RIGI: variants seen among roughly 807,000 people sequenced by gnomAD.
RIGI encodes antiviral innate immune response receptor RIG-I.
the RIGI span, among the ~76,000 whole-genome samples, chr9:32,487,163 C>T: frequency 6.6e-6 from 1 of 152,190 alleles, no homozygotes; most frequent in Non-Finnish European, 1.5e-5. Flanking sequence ...GTGAGCCCAG[C>T]TCTTGGCTAT....
At chr9:32,466,445 T>A in the RIGI span, 1 of 1,592,716 alleles carries the variant, frequency 6.3e-7, no homozygotes. Flanking sequence ...CCTCTGCCTA[T>A]TAGAAAATAA....
the RIGI span, among the ~76,000 whole-genome samples, chr9:32,502,722 C>T: frequency 1.1e-4 from 16 of 152,202 alleles, no homozygotes; most frequent in Admixed American, 6.5e-5. Context: ...TTTCTGGTAG[C>T]TGCTGGCATT....
chr9:32,491,226 G>A, the RIGI span: 1 of 1,532,368 alleles, frequency 6.5e-7, no homozygotes, highest in African/African-American at 1.4e-5. Context: ...TGTGACTTTG[G>A]GTACTGCAAA....
the RIGI span, among the ~76,000 whole-genome samples, chr9:32,502,428 T>G: frequency 1.5e-4 from 23 of 152,356 alleles, no homozygotes; most frequent in African/African-American, 4.3e-4. Context: ...TAGGGAATTG[T>G]CAAACCATTT....
the RIGI span, among the ~76,000 whole-genome samples, chr9:32,507,742 C>T: frequency 1.3e-5 from 2 of 151,854 alleles, no homozygotes; most frequent in African/African-American, 4.8e-5. Flanking sequence ...ATTTTCGGGG[C>T]TCAAGCAATC....
chr9:32,459,560 T>C, the RIGI span: 1,399 of 1,574,972 alleles, frequency 8.9e-4, 12 homozygotes, highest in African/African-American at 0.017. Context: ...GTACAACATA[T>C]ATAGCAAGAA....
chr9:32,498,264 C>T, the RIGI span: 1 of 456,698 alleles, frequency 2.2e-6, no homozygotes, highest in South Asian at 1.5e-5. Flanking sequence ...ATCTTGCTAA[C>T]ACTGCCAGTT....
At chr9:32,481,284 T>G in the RIGI span, 4 of 1,547,350 alleles carry the variant, frequency 2.6e-6, no homozygotes, top group Non-Finnish European at 3.5e-6. Context: ...GCTTCCACGG[T>G]GCCACTCCCA....
chr9:32,520,793 C>T, the RIGI span, among the ~76,000 whole-genome samples: 1 of 151,618 alleles, frequency 6.6e-6, no homozygotes, highest in Admixed American at 6.6e-5. Flanking sequence ...AATCGTAAAA[C>T]GTTATAAAAA....
the RIGI span, among the ~76,000 whole-genome samples, chr9:32,489,615 T>G: frequency 1.3e-5 from 2 of 152,024 alleles, no homozygotes; most frequent in African/African-American, 4.8e-5. Flanking sequence ...TTCCACTAAT[T>G]TGAAGTACAG....
At chr9:32,518,614 A>G in the RIGI span, among the ~76,000 whole-genome samples, 1 of 152,254 alleles carries the variant, frequency 6.6e-6, no homozygotes, top group Non-Finnish European at 1.5e-5. Flanking sequence ...TCATAGTTAA[A>G]GCTCTTAGTC....
chr9:32,525,991 G>C, the RIGI span: 1 of 1,199,668 alleles, frequency 8.3e-7, no homozygotes, highest in Non-Finnish European at 1.2e-6. Flanking sequence ...ATTAAAAGAA[G>C]GGAACGAAGC....
At chr9:32,474,969 TC>T in the RIGI span, among the ~76,000 whole-genome samples, 1 of 152,290 alleles carries the variant, frequency 6.6e-6, no homozygotes, top group South Asian at 2.1e-4. Flanking sequence ...TTTTATTTTT[TC>T]AAGACCAAGT....
the RIGI span, among the ~76,000 whole-genome samples, chr9:32,493,193 C>G: frequency 6.6e-6 from 1 of 152,320 alleles, no homozygotes; most frequent in East Asian, 1.9e-4. Context: ...CTGCTAGAGT[C>G]TGTAGCCCTT....
At chr9:32,516,955 T>C in the RIGI span, among the ~76,000 whole-genome samples, 2 of 152,220 alleles carry the variant, frequency 1.3e-5, no homozygotes, top group Non-Finnish European at 2.9e-5. Flanking sequence ...GTTTTGTTGA[T>C]TGTATGTGTC....
At chr9:32,503,517 T>C in the RIGI span, among the ~76,000 whole-genome samples, 1 of 152,178 alleles carries the variant, frequency 6.6e-6, no homozygotes, top group Non-Finnish European at 1.5e-5. Context: ...CCTTACTGAC[T>C]AAAGCTCTTT....
the RIGI span, chr9:32,489,500 A>G: frequency 1.7e-6 from 2 of 1,173,130 alleles, no homozygotes; most frequent in African/African-American, 1.5e-5. Context: ...GCTCTGAGGA[A>G]TCACGGCAAT....
the RIGI span, among the ~76,000 whole-genome samples, chr9:32,511,845 A>G: frequency 6.6e-6 from 1 of 152,204 alleles, no homozygotes; most frequent in Non-Finnish European, 1.5e-5. Flanking sequence ...CCAGTTTAAT[A>G]AAGAAGAAGA....
At chr9:32,457,483 T>TAAAA in the RIGI span, 3 of 815,590 alleles carry the variant, frequency 3.7e-6, no homozygotes, top group Non-Finnish European at 4.9e-6. Flanking sequence ...AATTGTGATT[T>TAAAA]AAAAAAAAAA....
Sources: allele counts gnomAD v4.1 joint callset (sites outside exome capture counted in the v4.1 genomes callset), GRCh38; gene constraint gnomAD v4.1.1; transcripts MANE v1.5; gene names NCBI Gene and HGNC (gene_info 2026-07-23, HGNC 2026-07-21).